COL4A2: variants seen among roughly 807,000 people sequenced by gnomAD.
COL4A2 encodes the protein collagen type IV alpha 2 chain, also known as collagen alpha-2(IV) chain.
In COL4A2, 99 loss-of-function variants were observed where a neutral mutation model predicts 200.2. The ratio of observed to expected loss-of-function variants is 0.49; its 90% CI spans 0.42 to 0.58. The LOEUF is 0.58. COL4A2 is among the 20% of genes least tolerant of loss of function. COL4A2 has a pLI of 0.00. For missense variants in COL4A2, 1,950 were observed against 2,314.1 expected (o/e 0.84, Z 3.23); for synonymous variants, 897 against 900.6 (o/e 1.00, Z 0.07).
chr13:110,387,999 T>C (rs1878829703), intron 4 of COL4A2, among the ~76,000 whole-genome samples: 1 of 152,208 alleles, frequency 6.6e-6, no homozygotes, highest in African/African-American at 2.4e-5. Context: ...CGGTTGTTTC[T>C]AAAGCTTCCC....
chr13:110,468,992 T>C (rs1882357908), intron 27 of COL4A2, among the ~76,000 whole-genome samples: 1 of 152,168 alleles, frequency 6.6e-6, no homozygotes, highest in Non-Finnish European at 1.5e-5. Context: ...CACTGTAGAA[T>C]CTAAATATTG....
chr13:110,424,302 C>T (rs184786503), intron 4 of COL4A2, among the ~76,000 whole-genome samples: 2 of 151,194 alleles, frequency 1.3e-5, no homozygotes, highest in Admixed American at 6.6e-5. Flanking sequence ...AGATTAACCA[C>T]TTAAACATCT....
intron 3 of COL4A2, among the ~76,000 whole-genome samples, chr13:110,338,740 T>TC (rs951061985): frequency 1.2e-4 from 19 of 152,356 alleles, no homozygotes; most frequent in South Asian, 8.3e-4. Flanking sequence ...ATGCCTTGTT[T>TC]CTGTCCCCTG....
chr13:110,412,080 C>T (rs1204699937), intron 4 of COL4A2, among the ~76,000 whole-genome samples: 1 of 152,214 alleles, frequency 6.6e-6, no homozygotes, highest in Non-Finnish European at 1.5e-5. Flanking sequence ...TGTGGACCCT[C>T]TGCAATGGGC....
At chr13:110,453,926 A>G (rs992897328) in intron 20 of COL4A2, among the ~76,000 whole-genome samples, 46 of 152,334 alleles carry the variant, frequency 3.0e-4, no homozygotes, top group African/African-American at 1.1e-3. Context: ...CTTGATTCCC[A>G]TGGAGTTCTC....
intron 3 of COL4A2, among the ~76,000 whole-genome samples, chr13:110,329,007 T>G (rs1875775300): frequency 6.6e-6 from 1 of 152,192 alleles, no homozygotes; most frequent in Non-Finnish European, 1.5e-5. Flanking sequence ...TGGAACAAAT[T>G]TTATACTTCT....
chr13:110,424,808 A>C lies in COL4A2; in HGVS notation c.255A>C (p.Gly85=). The C allele has an allele frequency of 1.2e-6, 2 of 1,613,922 alleles. No individual in the cohort carries two copies. The highest frequency in any genetic ancestry group is 4.5e-5 in the East Asian group (2 of 44,852). ...TACAAGGATTCCCGGGACTGCAGGG[A>C]CGTAAAGGAGACAAGGGTGAAAGGG... ...PGLQGFPGLQ[G]RKGDKGERGA... is the part of the protein sequence containing the mutation. Residue 85 remains glycine (G), a synonymous_variant, in exon 5 of 48, where the codon GGA becomes GGC. Transcript: ENST00000360467.
At chr13:110,499,421 AACTC>A (rs995319527) in intron 40 of COL4A2, among the ~76,000 whole-genome samples, 3 of 152,196 alleles carry the variant, frequency 2.0e-5, no homozygotes, top group Non-Finnish European at 4.4e-5. Flanking sequence ...ATCTCCTGGG[AACTC>A]ACTATCACGA....
At chr13:110,379,290 G>T (rs1878366708) in intron 4 of COL4A2, among the ~76,000 whole-genome samples, 1 of 152,214 alleles carries the variant, frequency 6.6e-6, no homozygotes, top group Non-Finnish European at 1.5e-5. Flanking sequence ...AGTGCTGAAG[G>T]TGGGAGACCC....
chr13:110,455,569 T>A (rs1163173348), intron 20 of COL4A2, among the ~76,000 whole-genome samples: 1 of 152,170 alleles, frequency 6.6e-6, no homozygotes, highest in African/African-American at 2.4e-5. Context: ...GTCTAAGCTG[T>A]AAGCTCCATG....
chr13:110,460,709 G>A (rs1477887007), intron 22 of COL4A2, among the ~76,000 whole-genome samples: 5 of 152,150 alleles, frequency 3.3e-5, no homozygotes, highest in Admixed American at 2.0e-4. Context: ...GAGTTTTTTG[G>A]TTAGTTTTTG....
At chr13:110,362,946 C>A (rs1877581524) in intron 4 of COL4A2, among the ~76,000 whole-genome samples, 1 of 152,166 alleles carries the variant, frequency 6.6e-6, no homozygotes, top group African/African-American at 2.4e-5. Flanking sequence ...GATTTTTGAC[C>A]ATAAACTCTG....
chr13:110,440,910 G>T (rs1309794416), intron 16 of COL4A2, among the ~76,000 whole-genome samples: 1 of 152,244 alleles, frequency 6.6e-6, no homozygotes, highest in East Asian at 1.9e-4. Context: ...TGTCTGTGCT[G>T]CTCTGCCCAG....
Position 110,307,861 on chromosome 13 carries a change from C to G in COL4A2, c.-43C>G, listed in dbSNP as rs1884833264. The G allele has an allele frequency of 6.3e-7, 1 of 1,596,526 alleles. No individual in the cohort carries two copies. Among genetic ancestry groups the G allele is most frequent in the African/African-American group, 1.3e-5 (1 of 74,652 alleles). ...ACTCGCTTTGTCTGTCGCCTCTAGG[C>G]TAAGTGGGACTGACCGGGGCCCAGA... On this transcript the variant is annotated splice_region_variant and 5_prime_UTR_variant, in exon 2 of 48. Coordinates refer to ENST00000360467, the MANE Select transcript of COL4A2 (RefSeq NM_001846.4). This position sits in a 1 kb window ranked among gnomAD's most constrained non-coding sequence, Gnocchi z 5.0.
chr13:110,474,678 C>T (rs1882613386), intron 29 of COL4A2, among the ~76,000 whole-genome samples: 1 of 148,476 alleles, frequency 6.7e-6, no homozygotes, highest in African/African-American at 2.5e-5. Context: ...ACACTCCTTA[C>T]ACACGTACCC....
At chr13:110,485,623 C>T (rs551319341) in intron 33 of COL4A2, 32 bp from the exon 34 acceptor site, 2 of 1,556,834 alleles carry the variant, frequency 1.3e-6, no homozygotes, top group African/African-American at 1.4e-5. Context: ...TGCGTCCTCA[C>T]CAGAGTGTTA....
chr13:110,451,177 A>G (rs1321719530), intron 20 of COL4A2, among the ~76,000 whole-genome samples: 3 of 152,200 alleles, frequency 2.0e-5, no homozygotes, highest in African/African-American at 7.2e-5. Context: ...TGTCTCAGGC[A>G]GCAGGGAAAC....
At position 110,413,945 on chromosome 13, in the gene COL4A2, C is replaced by T. The variant is rs553711432; in HGVS notation, c.181-10789C>T. Among the ~76,000 whole-genome samples, 8 of 152,298 alleles carry T rather than the reference C, an allele frequency of 5.3e-5. No homozygotes were observed. In the South Asian group the frequency reaches 1.2e-3, roughly 24 times the overall value. ...TCTGGGCTGCCCCCTCACCTGTCTA[C>T]GTGAGAATTAGACACACTCCATGGC... is the stretch of plus-strand genomic sequence containing the variant. On this transcript the variant is annotated intron_variant, in intron 4 of 47. Coordinates refer to ENST00000360467, the MANE Select transcript of COL4A2 (RefSeq NM_001846.4).
intron 4 of COL4A2, among the ~76,000 whole-genome samples, chr13:110,391,114 T>TGTTTTGTTTGTTCTTTG (rs1878968994): frequency 6.6e-6 from 1 of 152,228 alleles, no homozygotes; most frequent in South Asian, 2.1e-4. Context: ...TTGGATTCTG[T>TGTTTTGTTTGTTCTTTG]GTTTTGTTTG....
Sources: gnomAD v4.1 joint callset for allele counts (sites outside exome capture counted in the v4.1 genomes callset) on GRCh38, gnomAD v4.1.1 for gene constraint, Gnocchi (gnomAD v3.1) non-coding constraint, MANE v1.5 for transcripts, NCBI Gene and HGNC (gene_info 2026-07-23, HGNC 2026-07-21) for gene names.